Variants in PTPRB observed in about 807,000 individuals in gnomAD.
PTPRB encodes the protein protein tyrosine phosphatase receptor type B, also known as receptor-type tyrosine-protein phosphatase beta.
PTPRB carries 97 observed loss-of-function variants against 238.1 expected under a neutral mutation model. The ratio of observed to expected loss-of-function variants is 0.41; its 90% CI spans 0.35 to 0.48. The LOEUF is 0.48. Among genes scored for constraint, PTPRB ranks in the 20% least tolerant of loss-of-function variants. PTPRB has a pLI of 0.30. For missense variants in PTPRB, 2,292 were observed against 2,681.9 expected (o/e 0.85, Z 3.21); for synonymous variants, 970 against 995.4 (o/e 0.97, Z 0.48).
At chr12:70,555,386 G>C (rs1317217743) in intron 19 of PTPRB, 77 bp from the exon 20 acceptor site, 3 of 1,349,300 alleles carry the variant, frequency 2.2e-6, no homozygotes, top group Non-Finnish European at 3.1e-6. Flanking sequence ...TTAGTGAAAT[G>C]AAGGATTCTG....
At chr12:70,590,908 T>A (rs992028145) in intron 7 of PTPRB, among the ~76,000 whole-genome samples, 1 of 150,550 alleles carries the variant, frequency 6.6e-6, no homozygotes, top group African/African-American at 2.4e-5. Context: ...ATTTTTTAGG[T>A]CCTTATTAAA....
chr12:70,596,125 A>G lies in PTPRB; in HGVS notation c.1182T>C (p.Gly394=), dbSNP rs1401157665. The change falls in exon 5 of 34, where the codon GGT becomes GGC. Residue 394 remains glycine (G), a synonymous_variant. Coordinates refer to ENST00000334414, the MANE Select transcript of PTPRB (RefSeq NM_001109754.4). ...NEYTFFNLTA[G]SKYNIAITAV... is the part of the protein sequence containing the mutation. Reference sequence around the variant, plus strand: ...CTGTGATGGCAATATTGTATTTACTACCAGCAGTGAGATTGAAAAAAGTGT... The same window carrying G: ...CTGTGATGGCAATATTGTATTTACTGCCAGCAGTGAGATTGAAAAAAGTGT... 1 of 1,613,426 alleles carries G rather than the reference A, an allele frequency of 6.2e-7. No homozygotes were observed. The highest frequency in any genetic ancestry group is 1.3e-5 in the African/African-American group (1 of 75,002).
At chr12:70,532,769 G>A (rs1873486271) in intron 31 of PTPRB, among the ~76,000 whole-genome samples, 1 of 151,948 alleles carries the variant, frequency 6.6e-6, no homozygotes, top group Non-Finnish European at 1.5e-5. Context: ...AGCCTCCTGA[G>A]TAGCTGGGAC....
chr12:70,582,029 C>A (rs1261168107), intron 9 of PTPRB, among the ~76,000 whole-genome samples: 1 of 152,020 alleles, frequency 6.6e-6, no homozygotes, highest in Non-Finnish European at 1.5e-5. Flanking sequence ...AAATAGCCAA[C>A]CTGGAACTGA....
At chr12:70,591,101 ATT>A (rs55873756) in intron 7 of PTPRB, among the ~76,000 whole-genome samples, 45 of 137,414 alleles carry the variant, frequency 3.3e-4, no homozygotes, top group Non-Finnish European at 2.8e-4. Context: ...CAGCTAATTA[ATT>A]TTTTTTTTTT....
chr12:70,571,862 C>A lies in PTPRB; in HGVS notation c.3068G>T (p.Gly1023Val), dbSNP rs1880094485. 1 of 1,613,772 alleles carries A rather than the reference C, an allele frequency of 6.2e-7. No homozygotes were observed. The highest frequency in any genetic ancestry group is 1.1e-5 in the South Asian group (1 of 91,048). The part of the protein sequence containing the change: ...LYSVTVTTKS[G>V]QYEANEQGNG... ...CCCTTGTTCATTGGCTTCATATTGT[C>A]CACTTTTTGTAGTAACAGTGACACT... Residue 1023 changes from glycine to valine, a missense_variant, in exon 12 of 34, where the codon GGA becomes GTA. Gly to Val is a moderately radical substitution (Grantham distance 109). Transcript: ENST00000334414.
At chr12:70,627,295 C>T (rs1254537411) in intron 2 of PTPRB, among the ~76,000 whole-genome samples, 3 of 151,998 alleles carry the variant, frequency 2.0e-5, no homozygotes. Flanking sequence ...TAAACAGAGT[C>T]AGGGAAAGGG....
intron 3 of PTPRB, among the ~76,000 whole-genome samples, chr12:70,619,050 AGC>A (rs1884801928): frequency 6.6e-6 from 1 of 152,142 alleles, no homozygotes; most frequent in Non-Finnish European, 1.5e-5. Flanking sequence ...ATCTTGCAGT[AGC>A]ATTAGAGAGG....
chr12:70,598,943 C>A (rs190779118), intron 4 of PTPRB, among the ~76,000 whole-genome samples: 1 of 152,076 alleles, frequency 6.6e-6, no homozygotes, highest in Non-Finnish European at 1.5e-5. Flanking sequence ...TTTGTACATC[C>A]GCTAGAACAA....
chr12:70,609,702 A>C (rs980927668), intron 3 of PTPRB: 2 of 1,476,784 alleles, frequency 1.4e-6, no homozygotes, highest in Non-Finnish European at 1.9e-6. Flanking sequence ...GTGGAGTGGG[A>C]ATTTGGTTTT....
At position 70,589,940 on chromosome 12, in the gene PTPRB, A is replaced by G. The variant is rs771792400; in HGVS notation, c.2050+24T>C. 5.6e-6 allele frequency: 9 copies of G among 1,606,068 alleles called. No homozygotes were observed. The South Asian group carries it at 8.9e-5, about 16-fold the overall frequency. On this transcript the variant is annotated intron_variant, in intron 8 of 33. Coordinates refer to ENST00000334414, the MANE Select transcript of PTPRB (RefSeq NM_001109754.4). ...GGGAACAAATTACTCTTCCATTGGT[A>G]TTAACATCTTCATATTTGCCTACCT...
chr12:70,522,382 C>G (rs566452330), intron 33 of PTPRB: 1 of 152,320 alleles, frequency 6.6e-6, no homozygotes, highest in Admixed American at 6.5e-5. Context: ...CAGCCCCAGT[C>G]TAAGTCTTGA....
intron 18 of PTPRB, among the ~76,000 whole-genome samples, chr12:70,556,444 A>T (rs1877697017): frequency 6.6e-6 from 1 of 152,216 alleles, no homozygotes; most frequent in Non-Finnish European, 1.5e-5. Flanking sequence ...GCCTGAGGAT[A>T]TATCAATAGA....
chr12:70,616,319 T>C (rs1327988162), intron 3 of PTPRB, among the ~76,000 whole-genome samples: 1 of 152,214 alleles, frequency 6.6e-6, no homozygotes, highest in African/African-American at 2.4e-5. Context: ...TTTCGAATGA[T>C]ACAGGTTGGT....
At chr12:70,525,404 A>G (rs1872278029) in intron 32 of PTPRB, 1 of 152,128 alleles carries the variant, frequency 6.6e-6, no homozygotes, top group African/African-American at 2.4e-5. Flanking sequence ...GCCCCGCTGG[A>G]CTGTTAGTTC....
chr12:70,538,828 G>C, intron 27 of PTPRB, 96 bp downstream of exon 27: 1 of 955,206 alleles, frequency 1.0e-6, no homozygotes, highest in Admixed American at 2.0e-5. Flanking sequence ...TCCATATCGA[G>C]CTATATTATA....
rs1288002716 is a variant in PTPRB at position 70,587,283 on chromosome 12, T to A, written c.2051-16A>T. ...GCCAGGGGGACTGAGGAAAAAGCAA[T>A]GGAGATGGGTCATTGATGGACTGAG... On this transcript the variant is annotated splice_polypyrimidine_tract_variant and intron_variant, in intron 8 of 33. Coordinates refer to ENST00000334414, the MANE Select transcript of PTPRB (RefSeq NM_001109754.4). 3 of 1,612,596 alleles carry A rather than the reference T, an allele frequency of 1.9e-6. No homozygotes were observed. The highest frequency in any genetic ancestry group is 2.5e-6 in the Non-Finnish European group (3 of 1,179,048).
At chr12:70,524,867 ATATATGTGTGTATATATGTATATATG>A (rs1342892287) in intron 32 of PTPRB, among the ~76,000 whole-genome samples, 2 of 147,792 alleles carry the variant, frequency 1.4e-5, no homozygotes, top group East Asian at 3.9e-4. Flanking sequence ...ATATGTGTGT[ATATATGTGTGTATATATGTATATATG>A]TGTATATATG....
At chr12:70,634,817 T>C (rs907757996) in intron 2 of PTPRB, among the ~76,000 whole-genome samples, 2 of 152,266 alleles carry the variant, frequency 1.3e-5, no homozygotes, top group Non-Finnish European at 2.9e-5. Context: ...CGTTTCTTGA[T>C]AACTTTTCCC....
Sources: allele counts gnomAD v4.1 joint callset (sites outside exome capture counted in the v4.1 genomes callset), GRCh38; gene constraint gnomAD v4.1.1; transcripts MANE v1.5; gene names NCBI Gene and HGNC (gene_info 2026-07-23, HGNC 2026-07-21).